SUGCT: variants seen among roughly 807,000 people sequenced by gnomAD.
SUGCT encodes succinyl-CoA:glutarate CoA-transferase.
Under a neutral mutation model 55.0 loss-of-function variants are expected in SUGCT, and 41 were observed. The observed-to-expected ratio is 0.74, with a 90% confidence interval of 0.58 to 0.97. SUGCT has a LOEUF of 0.97. Among genes scored for constraint, SUGCT ranks in the 50% least tolerant of loss-of-function variants. SUGCT has a pLI of 0.00. For missense variants in SUGCT, 568 were observed against 547.8 expected (o/e 1.04, Z -0.37); for synonymous variants, 187 against 200.4 (o/e 0.93, Z 0.56).
In SUGCT at chr7:40,189,583, A is replaced by G; in HGVS notation, c.352A>G (p.Ile118Val). The change falls in exon 5 of 14, where the codon ATC (isoleucine) becomes GTC (valine). Residue 118 changes from isoleucine (I) to valine (V), a missense_variant. By Grantham distance (29) the Ile-to-Val change is conservative. Transcript: ENST00000335693. ...VNIKDPKGVK[I>V]IKELAAVCDV... Reference sequence around the variant, plus strand: ...TATCAAGGATCCAAAAGGGGTGAAAATCATCAAAGAGGTACAGTATGATGT... The same window carrying G: ...TATCAAGGATCCAAAAGGGGTGAAAGTCATCAAAGAGGTACAGTATGATGT... The G allele has an allele frequency of 7.1e-7, 1 of 1,410,360 alleles. No homozygotes were observed. The highest frequency in any genetic ancestry group is 9.4e-7 in the Non-Finnish European group (1 of 1,058,778). The allele number at this position is 1,410,360 out of a possible 1,614,324, so 87.4% of individuals were successfully genotyped here.
At chr7:40,411,525 C>T (rs1038307187) in intron 9 of SUGCT, among the ~76,000 whole-genome samples, 2 of 152,096 alleles carry the variant, frequency 1.3e-5, no homozygotes, top group African/African-American at 4.8e-5. Context: ...TAGAGAAAGA[C>T]AAGTAGTGGA....
intron 12 of SUGCT, among the ~76,000 whole-genome samples, chr7:40,516,943 G>A (rs375205268): frequency 6.6e-6 from 1 of 151,884 alleles, no homozygotes; most frequent in Non-Finnish European, 1.5e-5. Flanking sequence ...TATTAATTAA[G>A]TCTTCTGATC....
chr7:40,943,773 A>G, the SUGCT span, among the ~76,000 whole-genome samples: 5 of 152,110 alleles, frequency 3.3e-5, no homozygotes, highest in African/African-American at 1.2e-4. Flanking sequence ...AGCGTGATTT[A>G]TAGTCCTTTG....
chr7:40,339,889 G>A (rs567399915), intron 9 of SUGCT, among the ~76,000 whole-genome samples: 40 of 152,288 alleles, frequency 2.6e-4, no homozygotes, highest in African/African-American at 7.9e-4. Context: ...TCTTGGAACC[G>A]CCCTTTTTTG....
intron 8 of SUGCT, among the ~76,000 whole-genome samples, chr7:40,305,468 G>A (rs1794800822): frequency 6.6e-6 from 1 of 152,124 alleles, no homozygotes; most frequent in African/African-American, 2.4e-5. Context: ...CCTGAAGCTT[G>A]CATTCTAGCA....
intron 12 of SUGCT, among the ~76,000 whole-genome samples, chr7:40,566,579 T>C (rs994590313): frequency 3.3e-5 from 5 of 152,370 alleles, no homozygotes; most frequent in African/African-American, 9.6e-5. Flanking sequence ...GCTTGTCTGC[T>C]ACAAACCAGA....
intron 13 of SUGCT, among the ~76,000 whole-genome samples, chr7:40,750,083 T>G (rs982885165): frequency 3.3e-5 from 5 of 152,352 alleles, no homozygotes; most frequent in African/African-American, 1.2e-4. Context: ...GCTTCTTTAC[T>G]TGCAGAGGGA....
chr7:40,963,152 C>T, the SUGCT span, among the ~76,000 whole-genome samples: 5 of 151,786 alleles, frequency 3.3e-5, no homozygotes, highest in Non-Finnish European at 7.4e-5. Flanking sequence ...ATTATTCCCA[C>T]ATGTATGTAT....
chr7:40,898,210 C>T, the SUGCT span, among the ~76,000 whole-genome samples: 1 of 152,078 alleles, frequency 6.6e-6, no homozygotes, highest in Admixed American at 6.6e-5. Context: ...CTTTTATGAA[C>T]TATAACACTC....
In SUGCT at chr7:40,552,486, T is replaced by G. The variant is rs538664865; in HGVS notation, c.1089+56100T>G. ...GATCACCCAGGGCCTGGTGATGGCC[T>G]GCGAGGACAGCTGGAATGGCTCAAC... On this transcript the variant is annotated intron_variant, in intron 12 of 13. Coordinates refer to ENST00000335693, the MANE Select transcript of SUGCT (RefSeq NM_001193313.2). Among the ~76,000 whole-genome samples the G allele has an allele frequency of 3.9e-5, 6 of 152,230 alleles. No individual in the cohort carries two copies. In the South Asian group the frequency reaches 1.2e-3, roughly 32 times the overall value.
intron 9 of SUGCT, among the ~76,000 whole-genome samples, chr7:40,376,226 C>G (rs1393382350): frequency 1.3e-5 from 2 of 152,088 alleles, no homozygotes; most frequent in African/African-American, 2.4e-5. Flanking sequence ...ACTATGAATA[C>G]ATTCTTACAT....
chr7:40,771,984 T>C (rs2128728474), intron 13 of SUGCT, among the ~76,000 whole-genome samples: 1 of 152,298 alleles, frequency 6.6e-6, no homozygotes, highest in South Asian at 2.1e-4. Context: ...TTCATCTTGC[T>C]CCTTAAAACT....
intron 12 of SUGCT, among the ~76,000 whole-genome samples, chr7:40,633,517 A>G (rs539248004): frequency 1.6e-4 from 25 of 152,334 alleles, no homozygotes; most frequent in Non-Finnish European, 2.9e-4. Flanking sequence ...CAGTCAGTGC[A>G]TATGTCAAAT....
intron 9 of SUGCT, among the ~76,000 whole-genome samples, chr7:40,360,536 G>A (rs1472723951): frequency 6.6e-6 from 1 of 152,190 alleles, no homozygotes; most frequent in South Asian, 2.1e-4. Context: ...CTTGCACCTA[G>A]AGAGAAAGTG....
chr7:40,847,784 T>C (rs1433692252), intron 13 of SUGCT, among the ~76,000 whole-genome samples: 2 of 152,090 alleles, frequency 1.3e-5, no homozygotes, highest in Non-Finnish European at 2.9e-5. Flanking sequence ...CAAGGGTGTG[T>C]AATACTGTCA....
intron 13 of SUGCT, among the ~76,000 whole-genome samples, chr7:40,803,206 C>T (rs898388079): frequency 1.1e-4 from 16 of 152,116 alleles, no homozygotes; most frequent in Non-Finnish European, 2.2e-4. Context: ...TTGTCTTATG[C>T]AATGTAATAA....
intron 5 of SUGCT, among the ~76,000 whole-genome samples, chr7:40,193,946 G>A (rs1786094396): frequency 1.3e-5 from 2 of 151,872 alleles, no homozygotes; most frequent in South Asian, 4.2e-4. Context: ...TGAAATTTTG[G>A]GAAAAAAATT....
At chr7:40,336,024 G>A (rs1176945371) in intron 9 of SUGCT, among the ~76,000 whole-genome samples, 1 of 152,004 alleles carries the variant, frequency 6.6e-6, no homozygotes, top group African/African-American at 2.4e-5. Flanking sequence ...TTTTGTTTTT[G>A]GTTCTGTTTA....
the SUGCT span, among the ~76,000 whole-genome samples, chr7:40,999,414 T>G: frequency 6.6e-6 from 1 of 152,172 alleles, no homozygotes; most frequent in East Asian, 1.9e-4. Context: ...CTGTTGATCC[T>G]TAAATAACAT....
Sources: gnomAD v4.1 joint callset for allele counts (sites outside exome capture counted in the v4.1 genomes callset) on GRCh38, gnomAD v4.1.1 for gene constraint, MANE v1.5 for transcripts, NCBI Gene and HGNC (gene_info 2026-07-23, HGNC 2026-07-21) for gene names.